Variants in ARSG observed in about 807,000 individuals in gnomAD.
ARSG encodes the protein arylsulfatase G, also known as ASG.
Under a neutral mutation model 50.5 loss-of-function variants are expected in ARSG, and 37 were observed. That is an observed-to-expected ratio of 0.73 (90% CI 0.56 to 0.96). The LOEUF is 0.96. ARSG is among the 50% of genes least tolerant of loss of function. ARSG has a pLI of 0.00. For synonymous variants in ARSG, 225 were observed against 254.6 expected (o/e 0.88, Z 1.11); for missense variants, 629 against 675.3 (o/e 0.93, Z 0.76).
At chr17:68,277,763 A>G (rs1415618741) in intron 1 of ARSG, among the ~76,000 whole-genome samples, 2 of 152,212 alleles carry the variant, frequency 1.3e-5, no homozygotes, top group African/African-American at 2.4e-5. Flanking sequence ...GACAGTGACT[A>G]TATCCTCACA....
At chr17:68,344,134 C>G (rs1399260847) in intron 3 of ARSG, among the ~76,000 whole-genome samples, 1 of 152,200 alleles carries the variant, frequency 6.6e-6, no homozygotes. Flanking sequence ...TGCCTCATGA[C>G]TGCCATCCAG....
chr17:68,278,201 G>A (rs1316298688), intron 1 of ARSG: 4 of 1,614,022 alleles, frequency 2.5e-6, no homozygotes, highest in Non-Finnish European at 3.4e-6. Context: ...TCTTGATGAT[G>A]CCGTAGGTGA....
At chr17:68,407,263 G>T (rs2081770179) in intron 11 of ARSG, among the ~76,000 whole-genome samples, 1 of 152,168 alleles carries the variant, frequency 6.6e-6, no homozygotes, top group Non-Finnish European at 1.5e-5. Context: ...TGCTGTTTTG[G>T]TGATTATGGC....
At chr17:68,326,388 C>T (rs1168795921) in intron 2 of ARSG, among the ~76,000 whole-genome samples, 4 of 152,200 alleles carry the variant, frequency 2.6e-5, no homozygotes, top group Non-Finnish European at 5.9e-5. Flanking sequence ...ACAACTCAGC[C>T]TGGCGCGGTG....
chr17:68,338,703 C>G (rs2078137043), intron 2 of ARSG, among the ~76,000 whole-genome samples: 1 of 152,182 alleles, frequency 6.6e-6, no homozygotes, highest in Non-Finnish European at 1.5e-5. Context: ...ATGAGCCCAT[C>G]CTAGGGCTCT....
chr17:68,323,096 GGGA>G (rs1462675453), intron 2 of ARSG, among the ~76,000 whole-genome samples: 4 of 151,854 alleles, frequency 2.6e-5, no homozygotes, highest in Admixed American at 6.6e-5. Context: ...TGGAGGGTCT[GGGA>G]GGAGAACTGG....
At chr17:68,385,390 G>A (rs1426902559) in intron 9 of ARSG, among the ~76,000 whole-genome samples, 2 of 151,858 alleles carry the variant, frequency 1.3e-5, no homozygotes, top group Non-Finnish European at 1.5e-5. Flanking sequence ...GGGGCCACGT[G>A]TGGAGGCTCG....
chr17:68,313,218 G>A (rs8074567), intron 2 of ARSG, among the ~76,000 whole-genome samples: 17,102 of 151,952 alleles, frequency 0.11, 3,053 homozygotes, highest in African/African-American at 0.38. Context: ...CCGAGATTGC[G>A]CCACTGCACT....
At chr17:68,451,290 C>T in the ARSG span, among the ~76,000 whole-genome samples, 1 of 152,064 alleles carries the variant, frequency 6.6e-6, no homozygotes, top group East Asian at 1.9e-4. Flanking sequence ...AAAAATTAGC[C>T]AGGTATGGTG....
At chr17:68,264,231 C>T (rs1555745858) in intron 1 of ARSG, among the ~76,000 whole-genome samples, 1 of 152,130 alleles carries the variant, frequency 6.6e-6, no homozygotes, top group African/African-American at 2.4e-5. Context: ...TAATAAATAC[C>T]ACCTGGTGAT....
chr17:68,433,315 G>C, the ARSG span: 2 of 716,638 alleles, frequency 2.8e-6, no homozygotes, highest in Non-Finnish European at 4.5e-6. Flanking sequence ...TGCCTCCAAA[G>C]TTTTGCTAAC....
intron 2 of ARSG, among the ~76,000 whole-genome samples, chr17:68,309,208 G>T (rs551035108): frequency 6.6e-6 from 1 of 152,220 alleles, no homozygotes; most frequent in Non-Finnish European, 1.5e-5. Flanking sequence ...CTCCGAGTGC[G>T]GGGCCCGCCA....
downstream of ARSG, among the ~76,000 whole-genome samples, chr17:68,423,290 A>G (rs543959753): frequency 1.3e-3 from 196 of 152,360 alleles, 1 homozygote; most frequent in African/African-American, 4.7e-3. This position sits in a 1 kb window ranked among gnomAD's most constrained non-coding sequence, Gnocchi z 4.4. Flanking sequence ...CAATTCAGGC[A>G]TGACTGAGAT....
At chr17:68,315,581 G>A (rs2077038891) in intron 2 of ARSG, among the ~76,000 whole-genome samples, 1 of 151,800 alleles carries the variant, frequency 6.6e-6, no homozygotes, top group Non-Finnish European at 1.5e-5. Flanking sequence ...TGGTGCTAAT[G>A]AAGGATTTTT....
downstream of ARSG, among the ~76,000 whole-genome samples, chr17:68,426,565 C>T (rs909355558): frequency 2.6e-5 from 4 of 152,200 alleles, no homozygotes; most frequent in Non-Finnish European, 5.9e-5. Flanking sequence ...CAGAGTCTCA[C>T]TCTTTCACCC....
At chr17:68,331,698 G>T (rs1599753803) in intron 2 of ARSG, among the ~76,000 whole-genome samples, 1 of 152,154 alleles carries the variant, frequency 6.6e-6, no homozygotes, top group Non-Finnish European at 1.5e-5. Flanking sequence ...GATATTTCAC[G>T]TGCGTCCTTT....
At chr17:68,335,527 C>T (rs2077977080) in intron 2 of ARSG, among the ~76,000 whole-genome samples, 1 of 147,886 alleles carries the variant, frequency 6.8e-6, no homozygotes, top group African/African-American at 2.6e-5. Flanking sequence ...GCCCTCCAGC[C>T]TGGGCAACAG....
chr17:68,393,034 G>A (rs2081070121), intron 9 of ARSG, among the ~76,000 whole-genome samples: 1 of 152,152 alleles, frequency 6.6e-6, no homozygotes, highest in Admixed American at 6.5e-5. Context: ...GGCTCACAGG[G>A]ATTACCCTTG....
intron 2 of ARSG, among the ~76,000 whole-genome samples, chr17:68,340,920 G>A (rs553774061): frequency 2.6e-4 from 40 of 152,140 alleles, no homozygotes; most frequent in African/African-American, 9.2e-4. Context: ...AACATTATAG[G>A]TTTTTTATTA....
Sources: allele counts gnomAD v4.1 joint callset (sites outside exome capture counted in the v4.1 genomes callset), GRCh38; gene constraint gnomAD v4.1.1; non-coding constraint Gnocchi (gnomAD v3.1); transcripts MANE v1.5; gene names NCBI Gene and HGNC (gene_info 2026-07-23, HGNC 2026-07-21).